LRP1B: variants seen among roughly 807,000 people sequenced by gnomAD.
LRP1B encodes the protein low-density lipoprotein receptor-related protein 1B.
A neutral mutation model predicts 556.6 loss-of-function variants in LRP1B; 217 were observed. The ratio of observed to expected loss-of-function variants is 0.39; its 90% CI spans 0.35 to 0.44. The LOEUF (loss-of-function observed/expected upper bound fraction) is 0.44, where lower values mean the gene tolerates loss of function less well. LRP1B is among the 20% of genes least tolerant of loss of function. The probability of loss-of-function intolerance (pLI) is 1.00; values close to 1 mark genes in which losing one functional copy is unlikely to be tolerated. For missense variants in LRP1B, 5,053 were observed against 5,620.8 expected, an observed-to-expected ratio of 0.90 and a Z score of 3.23; for synonymous variants, 2,047 against 1,865.8, an observed-to-expected ratio of 1.10 and a Z score of -2.50.
intron 1 of LRP1B, among the ~76,000 whole-genome samples, chr2:142,014,231 T>C (rs1181207245): frequency 6.6e-6 from 1 of 151,720 alleles, no homozygotes; most frequent in African/African-American, 2.4e-5. Flanking sequence ...GAATCCTTTC[T>C]TGCACGAGAT....
chr2:141,437,098 C>A (rs936712928), intron 3 of LRP1B, among the ~76,000 whole-genome samples: 1 of 152,182 alleles, frequency 6.6e-6, no homozygotes, highest in South Asian at 2.1e-4. Context: ...CACACCCAGG[C>A]TATTTAAACC....
rs1681806891 is a variant in LRP1B, at chr2:140,258,756, A to T, written c.13247+11486T>A. ...GATGAGAAAAGAGGTTCAGAGAAGA[A>T]CAATTGAGCAAACAAAACAATGTGG... On this transcript the variant is annotated intron_variant, in intron 86 of 90. Transcript: ENST00000389484. Among the ~76,000 whole-genome samples the T allele has an allele frequency of 1.3e-5, 2 of 152,154 alleles. 1 individual carries two copies. Among genetic ancestry groups the T allele is most frequent in the South Asian group, 4.1e-4 (2 of 4,830 alleles).
intron 1 of LRP1B, among the ~76,000 whole-genome samples, chr2:141,996,137 G>C (rs574106514): frequency 6.7e-6 from 1 of 150,206 alleles, no homozygotes; most frequent in South Asian, 2.1e-4. Context: ...CTGCAGTCCC[G>C]AACCCGGGAG....
At position 140,907,787 on chromosome 2, in the gene LRP1B, A is replaced by G. The variant is rs529930198; in HGVS notation, c.3520+90T>C. ...GCTACATTTAAAGGGAATGAATGAA[A>G]GGAATGAATGCTACTATATTAAGTA... is the stretch of plus-strand genomic sequence containing the variant. On this transcript the variant is annotated intron_variant, in intron 22 of 90. Transcript: ENST00000389484. 1.4e-4 allele frequency: 159 copies of G among 1,097,152 alleles called. No individual in the cohort carries two copies. In the African/African-American group the frequency reaches 2.1e-3, roughly 15 times the overall value. 68.0% of individuals were successfully genotyped at this position (1,097,152 alleles called of 1,614,324 possible). A position where few individuals can be genotyped will look rare whatever the true frequency, so the allele number is the denominator to read the frequency against.
At chr2:141,648,340 T>C (rs1689659891) in intron 2 of LRP1B, among the ~76,000 whole-genome samples, 1 of 152,172 alleles carries the variant, frequency 6.6e-6, no homozygotes, top group African/African-American at 2.4e-5. Flanking sequence ...GCCTTATTGG[T>C]TTTATAGCAC....
At position 140,849,198 on chromosome 2, in the gene LRP1B, T is replaced by TAA. The variant is rs1352302960; in HGVS notation, c.4939+903_4939+904insTT. ...GCTGAAACCCTGTATCTACTAAAAA[T>TAA]ACAAAAAAAAAAAAAAAAAAAAAAA... On this transcript the variant is annotated intron_variant, in intron 29 of 90. Transcript: ENST00000389484. Among the ~76,000 whole-genome samples the TAA allele has an allele frequency of 5.3e-4, 9 of 16,926 alleles. No individual in the cohort carries two copies. In the East Asian group the frequency reaches 0.012, roughly 23 times the overall value. 11.1% of individuals were successfully genotyped at this position (16,926 alleles called of 152,430 possible).
chr2:141,815,569 G>A (rs887408202), intron 1 of LRP1B, among the ~76,000 whole-genome samples: 5 of 152,060 alleles, frequency 3.3e-5, no homozygotes, highest in African/African-American at 9.7e-5. Flanking sequence ...TCTGTAAAAT[G>A]CACCAATCAG....
intron 7 of LRP1B, among the ~76,000 whole-genome samples, chr2:141,157,449 C>T (rs1443687684): frequency 6.6e-6 from 1 of 152,016 alleles, no homozygotes; most frequent in Non-Finnish European, 1.5e-5. Context: ...GAAAACAAAA[C>T]AGATGGCAGA....
chr2:141,245,416 C>T (rs1166295168), intron 5 of LRP1B, among the ~76,000 whole-genome samples: 2 of 152,120 alleles, frequency 1.3e-5, no homozygotes, highest in Non-Finnish European at 2.9e-5. Flanking sequence ...CTGAAGCTTG[C>T]TTAGCTAGTC....
intron 35 of LRP1B, among the ~76,000 whole-genome samples, chr2:140,765,980 T>C (rs1458739762): frequency 6.6e-6 from 1 of 151,938 alleles, no homozygotes; most frequent in Non-Finnish European, 1.5e-5. Context: ...AACCTGCACA[T>C]TGTGCACATG....
chr2:140,612,846 C>T (rs932913176), intron 41 of LRP1B, among the ~76,000 whole-genome samples: 3 of 151,804 alleles, frequency 2.0e-5, no homozygotes, highest in Non-Finnish European at 4.4e-5. Flanking sequence ...TCTTATTATA[C>T]TTTTTTTAGG....
At chr2:140,384,894 C>T (rs1173085115) in intron 67 of LRP1B, among the ~76,000 whole-genome samples, 4 of 152,116 alleles carry the variant, frequency 2.6e-5, no homozygotes, top group African/African-American at 7.2e-5. Context: ...TGATTATTAT[C>T]TTATTTTAAA....
chr2:140,964,513 G>A (rs1170569457), intron 18 of LRP1B, among the ~76,000 whole-genome samples: 3 of 151,886 alleles, frequency 2.0e-5, no homozygotes, highest in African/African-American at 7.3e-5. Context: ...CTTCCCAGAC[G>A]CTGATGTCAC....
intron 3 of LRP1B, among the ~76,000 whole-genome samples, chr2:141,452,380 G>A (rs555252912): frequency 1.3e-5 from 2 of 152,160 alleles, no homozygotes; most frequent in Non-Finnish European, 2.9e-5. Context: ...TTTTTTTGAT[G>A]ATGGAAATTA....
At chr2:141,424,408 G>C (rs547324685) in intron 3 of LRP1B, among the ~76,000 whole-genome samples, 1 of 151,960 alleles carries the variant, frequency 6.6e-6, no homozygotes, top group Non-Finnish European at 1.5e-5. Context: ...CACCGCACCC[G>C]GCCTCATCTT....
chr2:140,653,454 G>A (rs1684760082), intron 41 of LRP1B, among the ~76,000 whole-genome samples: 1 of 151,818 alleles, frequency 6.6e-6, no homozygotes, highest in East Asian at 1.9e-4. Flanking sequence ...TATGAAAAAG[G>A]AAAAATAGGC....
intron 35 of LRP1B, among the ~76,000 whole-genome samples, chr2:140,765,973 C>A (rs976346283): frequency 6.6e-6 from 1 of 151,852 alleles, no homozygotes; most frequent in African/African-American, 2.4e-5. Flanking sequence ...TGTAACAAAC[C>A]TGCACATTGT....
At chr2:140,358,748 A>T (rs2105137271) in intron 73 of LRP1B, 73 bp downstream of exon 73, 1 of 1,502,264 alleles carries the variant, frequency 6.7e-7, no homozygotes. Context: ...TGTATTTTTT[A>T]AAATGTTTGT....
At chr2:141,626,551 G>C (rs530221255) in intron 2 of LRP1B, among the ~76,000 whole-genome samples, 5 of 152,194 alleles carry the variant, frequency 3.3e-5, no homozygotes, top group Admixed American at 1.3e-4. Flanking sequence ...ATTTACGAAA[G>C]ACATATCTGC....
Sources: gnomAD v4.1 joint callset for allele counts (sites outside exome capture counted in the v4.1 genomes callset) on GRCh38, gnomAD v4.1.1 for gene constraint, MANE v1.5 for transcripts, NCBI Gene and HGNC (gene_info 2026-07-23, HGNC 2026-07-21) for gene names.